The following ZCCHC7 variants were observed in gnomAD, a reference collection of about 807,000 sequenced individuals.
The protein encoded by ZCCHC7 is zinc finger CCHC domain-containing protein 7.
In ZCCHC7, 35 loss-of-function variants were observed where a neutral mutation model predicts 52.0. The observed-to-expected ratio is 0.67, with a 90% CI of 0.51 to 0.89. The LOEUF is 0.89. Among genes scored for constraint, ZCCHC7 ranks in the 40% least tolerant of loss-of-function variants. The probability of loss-of-function intolerance (pLI) is 0.00; values close to 1 mark genes in which losing one functional copy is unlikely to be tolerated. For synonymous variants in ZCCHC7, 217 were observed against 221.5 expected (o/e 0.98, Z 0.18); for missense variants, 574 against 649.1 (o/e 0.88, Z 1.26).
chr9:37,236,412 ATTTT>A (rs201501587), intron 2 of ZCCHC7, among the ~76,000 whole-genome samples: 1 of 146,636 alleles, frequency 6.8e-6, no homozygotes, highest in Non-Finnish European at 1.5e-5. Context: ...GTGCTATCAG[ATTTT>A]TTTTTTGCTC....
At chr9:37,311,467 CAGAGGTGTGAT>C (rs1829596783) in intron 5 of ZCCHC7, among the ~76,000 whole-genome samples, 1 of 137,906 alleles carries the variant, frequency 7.3e-6, no homozygotes, top group African/African-American at 3.5e-5. Context: ...GCCCAGGGTG[CAGAGGTGTGAT>C]CTCGGCTCAC....
At chr9:37,336,273 C>G (rs1830651064) in intron 6 of ZCCHC7, among the ~76,000 whole-genome samples, 1 of 152,168 alleles carries the variant, frequency 6.6e-6, no homozygotes, top group African/African-American at 2.4e-5. Context: ...GCAACTCAAA[C>G]TTAAGCACTT....
chr9:37,357,155 G>A lies in ZCCHC7; in HGVS notation c.1519G>A (p.Asp507Asn). Residue 507 changes from aspartate (D) to asparagine (N), a missense_variant, in exon 9 of 9, where the codon GAC (aspartate) becomes AAC (asparagine). This residue lies in a region of ZCCHC7 where 168 missense variants were observed against 171.6 expected (regional missense o/e 0.98). Coordinates refer to ENST00000336755, the MANE Select transcript of ZCCHC7 (RefSeq NM_032226.3). ...RSSHYHTSRE[D>N]KSPKEGKRGK... ...ATCACATTACCACACGTCAAGAGAA[G>A]ACAAGTCTCCCAAGGAAGGCAAGAG... The A allele has an allele frequency of 6.2e-7, 1 of 1,613,368 alleles. No homozygotes were observed. Among genetic ancestry groups the A allele is most frequent in the Non-Finnish European group, 8.5e-7 (1 of 1,179,898 alleles).
intron 1 of ZCCHC7, 94 bp from the exon 2 acceptor site, chr9:37,126,218 A>G (rs1412068710): frequency 4.2e-6 from 5 of 1,197,642 alleles, no homozygotes; most frequent in Admixed American, 2.3e-5. Flanking sequence ...TGGCCTTCAT[A>G]TTAGCAGTTG....
At chr9:37,232,259 T>C (rs1262934429) in intron 2 of ZCCHC7, among the ~76,000 whole-genome samples, 1 of 152,200 alleles carries the variant, frequency 6.6e-6, no homozygotes, top group Non-Finnish European at 1.5e-5. Context: ...AATAGGTGTC[T>C]TGTCAAAATT....
intron 2 of ZCCHC7, among the ~76,000 whole-genome samples, chr9:37,130,236 A>C (rs1588345653): frequency 7.5e-5 from 2 of 26,794 alleles, no homozygotes; most frequent in South Asian, 1.0e-3. Flanking sequence ...AGACTGTCTC[A>C]AAAAAAAAAA....
chr9:37,292,546 T>A (rs1035578711), intron 2 of ZCCHC7, among the ~76,000 whole-genome samples: 1 of 152,142 alleles, frequency 6.6e-6, no homozygotes, highest in African/African-American at 2.4e-5. Flanking sequence ...GAAATTCAGA[T>A]AGGGTGTTAT....
At chr9:37,206,486 G>T (rs2133191379) in intron 2 of ZCCHC7, among the ~76,000 whole-genome samples, 1 of 151,990 alleles carries the variant, frequency 6.6e-6, no homozygotes. Context: ...CGAGTAGCTG[G>T]GACTACAAGT....
At chr9:37,226,913 C>G (rs774139921) in intron 2 of ZCCHC7, among the ~76,000 whole-genome samples, 4 of 151,598 alleles carry the variant, frequency 2.6e-5, no homozygotes, top group South Asian at 2.1e-4. Context: ...GCCTGTAGTC[C>G]CAGCTACTCA....
intron 5 of ZCCHC7, among the ~76,000 whole-genome samples, chr9:37,322,987 G>A (rs772225912): frequency 3.3e-5 from 5 of 152,100 alleles, no homozygotes; most frequent in African/African-American, 7.2e-5. Context: ...TATATGTCAG[G>A]CATTGCTCTA....
chr9:37,269,433 C>T (rs758964964), intron 2 of ZCCHC7, among the ~76,000 whole-genome samples: 20 of 151,198 alleles, frequency 1.3e-4, no homozygotes, highest in African/African-American at 4.1e-4. Context: ...GCCTGGGCAA[C>T]GTAGTGAGAT....
At chr9:37,169,801 C>G (rs1196294773) in intron 2 of ZCCHC7, among the ~76,000 whole-genome samples, 1 of 152,066 alleles carries the variant, frequency 6.6e-6, no homozygotes, top group East Asian at 1.9e-4. Flanking sequence ...GCAACTTATG[C>G]CTGCAGTCCC....
At chr9:37,124,268 C>G (rs1842446940) in intron 1 of ZCCHC7, among the ~76,000 whole-genome samples, 1 of 151,796 alleles carries the variant, frequency 6.6e-6, no homozygotes, top group African/African-American at 2.4e-5. Context: ...TCCATCAGTA[C>G]CTAATGGAAA....
chr9:37,127,933 T>C (rs1019508593), intron 2 of ZCCHC7, among the ~76,000 whole-genome samples: 3 of 152,182 alleles, frequency 2.0e-5, no homozygotes, highest in Admixed American at 2.0e-4. Flanking sequence ...ATAATACCTA[T>C]AGAAATGGGG....
At chr9:37,212,406 T>C (rs1442992229) in intron 2 of ZCCHC7, among the ~76,000 whole-genome samples, 1 of 152,224 alleles carries the variant, frequency 6.6e-6, no homozygotes, top group Non-Finnish European at 1.5e-5. Flanking sequence ...AAAAAATTTT[T>C]GGAGTGGGAA....
intron 2 of ZCCHC7, among the ~76,000 whole-genome samples, chr9:37,163,341 T>C (rs181363674): frequency 8.9e-4 from 121 of 135,720 alleles, no homozygotes; most frequent in African/African-American, 3.1e-3. Context: ...TGAGCCAAGA[T>C]CATGCCACTG....
chr9:37,332,470 T>A (rs1830486977), intron 6 of ZCCHC7, among the ~76,000 whole-genome samples: 1 of 151,550 alleles, frequency 6.6e-6, no homozygotes, highest in Non-Finnish European at 1.5e-5. Flanking sequence ...AATGCAAAAT[T>A]TATATGAATA....
In ZCCHC7 at chr9:37,306,762, C is replaced by CT. The variant is rs869292704; in HGVS notation, c.951+1090dup. On this transcript the variant is annotated intron_variant, in intron 5 of 8. Transcript: ENST00000336755. ...ACAGGCATGAGCCACTGTACCCGAC[C>CT]TTTTTTTTTTTTTTTTTTTTTTTTT... is the stretch of plus-strand genomic sequence containing the variant. 5.0e-4 allele frequency among the ~76,000 whole-genome samples: 26 copies of CT among 52,034 alleles called. 3 individuals carry two copies. Among genetic ancestry groups the CT allele is most frequent in the African/African-American group, 9.3e-4 (13 of 14,008 alleles). 34.1% of individuals were successfully genotyped at this position (52,034 alleles called of 152,430 possible). A position where few individuals can be genotyped will look rare whatever the true frequency, so the allele number is the denominator to read the frequency against.
intron 2 of ZCCHC7, among the ~76,000 whole-genome samples, chr9:37,225,206 AAATTC>A (rs1428667011): frequency 6.6e-6 from 1 of 152,208 alleles, no homozygotes; most frequent in Non-Finnish European, 1.5e-5. Context: ...GAAAATCAAT[AAATTC>A]AATAACTTAG....
Sources: gnomAD v4.1 joint callset for allele counts (sites outside exome capture counted in the v4.1 genomes callset) on GRCh38, gnomAD v4.1.1 for gene constraint, gnomAD v4.1.1 regional missense constraint, MANE v1.5 for transcripts, NCBI Gene and HGNC (gene_info 2026-07-23, HGNC 2026-07-21) for gene names.